MYRIP: variants seen among roughly 807,000 people sequenced by gnomAD.
The protein encoded by MYRIP is myosin VIIA and Rab interacting protein, also known as rab effector MyRIP.
Under a neutral mutation model 98.0 loss-of-function variants are expected in MYRIP, and 49 were observed. That is an observed-to-expected ratio of 0.50 (90% CI 0.40 to 0.63). The LOEUF is 0.63. Ranked by LOEUF, MYRIP falls within the 30% of genes least tolerant of loss-of-function variation. The pLI is 0.00. For missense variants in MYRIP, 1,004 were observed against 1,058.2 expected (o/e 0.95, Z 0.71); for synonymous variants, 404 against 409.5 (o/e 0.99, Z 0.16).
At chr3:40,220,724 G>T (rs1331283544) in intron 11 of MYRIP, among the ~76,000 whole-genome samples, 2 of 152,096 alleles carry the variant, frequency 1.3e-5, no homozygotes. Context: ...AAGCATGGCT[G>T]AAGAGGCCTC....
chr3:40,190,593 TAAG>T (rs764701304), intron 10 of MYRIP, 130 bp downstream of exon 10: 206 of 1,428,186 alleles, frequency 1.4e-4, no homozygotes, highest in Non-Finnish European at 1.9e-4. Flanking sequence ...GTTTTGCAGC[TAAG>T]TAGCTGAGTG....
Position 40,170,129 on chromosome 3 carries a change from C to A in MYRIP, c.873+36C>A, listed in dbSNP as rs202138054. 6.1e-4 allele frequency: 975 copies of A among 1,610,196 alleles called. 10 individuals carry two copies. The South Asian group carries it at 9.8e-3, about 16-fold the overall frequency. ...AAGCAGTGCTGGTCTACCCTCCACA[C>A]GTGCAGGTCTGGGGCACACATTTAA... On this transcript the variant is annotated intron_variant, in intron 8 of 16. Coordinates refer to ENST00000302541, the MANE Select transcript of MYRIP (RefSeq NM_015460.4).
chr3:39,889,509 TCA>T (rs1943420206), intron 1 of MYRIP, among the ~76,000 whole-genome samples: 1 of 151,980 alleles, frequency 6.6e-6, no homozygotes, highest in South Asian at 2.1e-4. Flanking sequence ...AAGGGGAACA[TCA>T]CACTCTGGGG....
intron 2 of MYRIP, among the ~76,000 whole-genome samples, chr3:39,919,054 A>G (rs747216602): frequency 5.9e-5 from 9 of 152,222 alleles, no homozygotes; most frequent in Non-Finnish European, 1.3e-4. Flanking sequence ...AGCTATGCCT[A>G]TATTTCCAGC....
At chr3:40,189,144 G>A (rs775649520) in intron 9 of MYRIP, among the ~76,000 whole-genome samples, 18 of 152,146 alleles carry the variant, frequency 1.2e-4, no homozygotes, top group South Asian at 2.1e-4. Context: ...GATGCACCTC[G>A]TCCTCACTCT....
At chr3:40,045,299 T>C (rs1218049500) in intron 3 of MYRIP, among the ~76,000 whole-genome samples, 2 of 152,106 alleles carry the variant, frequency 1.3e-5, no homozygotes, top group African/African-American at 4.8e-5. Context: ...ATATATATAT[T>C]CATATTCATT....
intron 2 of MYRIP, among the ~76,000 whole-genome samples, chr3:39,992,884 C>T (rs1946214342): frequency 6.6e-6 from 1 of 152,188 alleles, no homozygotes; most frequent in Non-Finnish European, 1.5e-5. Context: ...ATCCTTCATC[C>T]CTGTAATCTA....
At chr3:39,987,998 A>T (rs776405986) in intron 2 of MYRIP, among the ~76,000 whole-genome samples, 2 of 152,232 alleles carry the variant, frequency 1.3e-5, no homozygotes, top group Non-Finnish European at 2.9e-5. Flanking sequence ...TGATGAGTTC[A>T]TGTCCTTTTT....
At chr3:39,900,961 A>C in intron 2 of MYRIP, 35 bp downstream of exon 2, 1 of 1,518,664 alleles carries the variant, frequency 6.6e-7, no homozygotes, top group Non-Finnish European at 9.1e-7. Context: ...GCGTACAGCA[A>C]ACCACATGTG....
At chr3:39,976,275 C>G (rs985388399) in intron 2 of MYRIP, among the ~76,000 whole-genome samples, 6 of 152,142 alleles carry the variant, frequency 3.9e-5, no homozygotes, top group African/African-American at 1.4e-4. Context: ...ATTTATGCAG[C>G]CAAAAGACAC....
intron 2 of MYRIP, among the ~76,000 whole-genome samples, chr3:39,944,552 A>G (rs565117246): frequency 5.3e-5 from 8 of 152,158 alleles, no homozygotes; most frequent in Admixed American, 3.3e-4. Flanking sequence ...AGAAGCATAT[A>G]TGCAAAGCAC....
chr3:39,902,873 G>A (rs572469897), intron 2 of MYRIP, among the ~76,000 whole-genome samples: 48 of 152,278 alleles, frequency 3.2e-4, no homozygotes, highest in Middle Eastern at 3.4e-3. Flanking sequence ...AATGGGCACC[G>A]TCTATCTCAT....
intron 2 of MYRIP, among the ~76,000 whole-genome samples, chr3:39,935,783 C>T (rs1261361264): frequency 1.7e-4 from 26 of 152,038 alleles, no homozygotes; most frequent in Admixed American, 1.7e-3. Flanking sequence ...AGGTGAAGGT[C>T]AACATTTCTA....
At chr3:39,945,746 G>A (rs1475889289) in intron 2 of MYRIP, among the ~76,000 whole-genome samples, 3 of 152,074 alleles carry the variant, frequency 2.0e-5, no homozygotes, top group Non-Finnish European at 4.4e-5. Flanking sequence ...GGTAAGTAAT[G>A]AAAGCTTTAA....
intron 2 of MYRIP, among the ~76,000 whole-genome samples, chr3:39,901,606 T>C (rs1380093650): frequency 6.6e-6 from 1 of 152,156 alleles, no homozygotes; most frequent in Non-Finnish European, 1.5e-5. Flanking sequence ...AAACTGATGG[T>C]AGGTCAGTAT....
intron 3 of MYRIP, among the ~76,000 whole-genome samples, chr3:40,142,342 C>T (rs142073854): frequency 2.6e-3 from 395 of 151,562 alleles, no homozygotes; most frequent in Non-Finnish European, 4.7e-3. Context: ...CATAAGCCAC[C>T]GCACCCGGCC....
intron 7 of MYRIP, among the ~76,000 whole-genome samples, chr3:40,168,176 C>T (rs912305566): frequency 1.3e-5 from 2 of 152,176 alleles, no homozygotes; most frequent in African/African-American, 4.8e-5. Flanking sequence ...ACAGACACTC[C>T]TATCACTCAA....
At chr3:39,988,905 A>G (rs188545179) in intron 2 of MYRIP, among the ~76,000 whole-genome samples, 1 of 151,836 alleles carries the variant, frequency 6.6e-6, no homozygotes, top group East Asian at 2.0e-4. Context: ...TCTATTTAGC[A>G]GCTCCTGTAG....
chr3:40,154,670 C>G (rs976779975), intron 4 of MYRIP, among the ~76,000 whole-genome samples: 1 of 152,248 alleles, frequency 6.6e-6, no homozygotes, highest in African/African-American at 2.4e-5. Flanking sequence ...ATAAGCCCCA[C>G]ATGTATTAGC....
Sources: gnomAD v4.1 joint callset for allele counts (sites outside exome capture counted in the v4.1 genomes callset) on GRCh38, gnomAD v4.1.1 for gene constraint, MANE v1.5 for transcripts, NCBI Gene and HGNC (gene_info 2026-07-23, HGNC 2026-07-21) for gene names.